Variants in MYO7B observed in about 807,000 individuals in gnomAD.
MYO7B encodes the protein unconventional myosin-VIIb.
In MYO7B, 212 loss-of-function variants were observed where a neutral mutation model predicts 259.7. That is an observed-to-expected ratio of 0.82 (90% CI 0.73 to 0.91). The LOEUF (loss-of-function observed/expected upper bound fraction) is 0.91, where lower values mean the gene tolerates loss of function less well. Among genes scored for constraint, MYO7B ranks in the 40% least tolerant of loss-of-function variants. MYO7B has a pLI of 0.00. For missense variants in MYO7B, 2,732 were observed against 2,813.5 expected, an observed-to-expected ratio of 0.97 and a Z score of 0.66; for synonymous variants, 1,197 against 1,166.4, an observed-to-expected ratio of 1.03 and a Z score of -0.54.
At position 127,628,438 on chromosome 2, in the gene MYO7B, C is replaced by T; in HGVS notation, c.4527C>T (p.Pro1509=). The T allele has an allele frequency of 6.3e-7, 1 of 1,592,744 alleles. No individual in the cohort carries two copies. The highest frequency in any genetic ancestry group is 8.5e-7 in the Non-Finnish European group (1 of 1,171,158). The part of the protein sequence containing the change: ...TMHEEYEFVS[P]SSVAIAELVA... ...ATGAGGAGTACGAGTTTGTGTCACCCAGCAGTGTGGCCATCGCTGAGCTGG... is the reference window on the plus strand; with the variant it reads ...ATGAGGAGTACGAGTTTGTGTCACCTAGCAGTGTGGCCATCGCTGAGCTGG... Residue 1509 remains proline, a synonymous_variant, in exon 34 of 48, where the codon CCC becomes CCT. Coordinates refer to ENST00000409816, the MANE Select transcript of MYO7B (RefSeq NM_001393586.1). This position sits in a 1 kb window ranked among gnomAD's most constrained non-coding sequence, Gnocchi z 4.8.
chr2:127,619,435 TGAAG>T (rs1198483015), intron 26 of MYO7B, among the ~76,000 whole-genome samples: 2 of 151,186 alleles, frequency 1.3e-5, no homozygotes, highest in Admixed American at 6.6e-5. Flanking sequence ...ATTGGAGGAA[TGAAG>T]GGATGGGAGG....
At chr2:127,580,076 G>A (rs746196203) in intron 9 of MYO7B, among the ~76,000 whole-genome samples, 10 of 152,206 alleles carry the variant, frequency 6.6e-5, no homozygotes, top group Non-Finnish European at 1.0e-4. Context: ...GCGTGGTTAC[G>A]TGGTGCTGAC....
At chr2:127,554,328 C>T (rs1693559099) in intron 1 of MYO7B, among the ~76,000 whole-genome samples, 1 of 152,222 alleles carries the variant, frequency 6.6e-6, no homozygotes, top group South Asian at 2.1e-4. Context: ...CCTGCCTCAG[C>T]CTCCCAAAGT....
In MYO7B at chr2:127,628,247, T is replaced by G. The variant is rs113711108; in HGVS notation, c.4461-125T>G. The stretch of plus-strand genomic sequence containing the variant: ...GTGGTGTCTGGCCTAGTCCTGGCCC[T>G]GGCAGAGCAGCTCTGTGTCCTCATC... On this transcript the variant is annotated intron_variant, in intron 33 of 47. Transcript: ENST00000409816. The surrounding 1 kb of genome is among the most constrained non-coding windows in gnomAD (Gnocchi z 4.8). 3 of 1,205,800 alleles carry G rather than the reference T, an allele frequency of 2.5e-6. No individual in the cohort carries two copies. The Admixed American group carries it at 5.9e-5, about 24-fold the overall frequency. The allele number at this position is 1,205,800 out of a possible 1,614,324, so 74.7% of individuals were successfully genotyped here. A position where few individuals can be genotyped will look rare whatever the true frequency, so the allele number is the denominator to read the frequency against.
chr2:127,592,981 T>C (rs760152147), intron 17 of MYO7B, 35 bp downstream of exon 17: 2 of 1,510,426 alleles, frequency 1.3e-6, no homozygotes, highest in Non-Finnish European at 1.8e-6. Context: ...CCTCTGGCCA[T>C]CCGCGGCCTT....
intron 17 of MYO7B, 77 bp from the exon 18 acceptor site, chr2:127,593,465 AGGAG>A: frequency 7.4e-7 from 1 of 1,345,858 alleles, no homozygotes; most frequent in South Asian, 1.3e-5. Context: ...CTGTGGGAGA[AGGAG>A]GGAGACACCA....
chr2:127,586,492 G>A lies in MYO7B; in HGVS notation c.1690+1579G>A, dbSNP rs1679310577. On this transcript the variant is annotated intron_variant, in intron 14 of 47. Coordinates refer to ENST00000409816, the MANE Select transcript of MYO7B (RefSeq NM_001393586.1). This position sits in a 1 kb window ranked among gnomAD's most constrained non-coding sequence, Gnocchi z 4.8. ...AGTCAGAACAGGCTAGGCTTTGGGA[G>A]GCCAAGGGAGAAAGGGAAAGGTGCC... is the stretch of plus-strand genomic sequence containing the variant. 6.6e-6 allele frequency among the ~76,000 whole-genome samples: 1 copy of A among 152,166 alleles called. No individual in the cohort carries two copies. The highest frequency in any genetic ancestry group is 2.4e-5 in the African/African-American group (1 of 41,430).
intron 43 of MYO7B, 47 bp from the exon 44 acceptor site, chr2:127,635,675 T>G (rs761401252): frequency 6.5e-7 from 1 of 1,541,014 alleles, no homozygotes; most frequent in East Asian, 2.4e-5. Context: ...TGGGGGCGGG[T>G]GGGCCGCAGC....
In MYO7B at chr2:127,590,733, G is replaced by A. The variant is rs1473667877; in HGVS notation, c.1992+504G>A. On this transcript the variant is annotated intron_variant, in intron 16 of 47. Coordinates refer to ENST00000409816, the MANE Select transcript of MYO7B (RefSeq NM_001393586.1). This position sits in a 1 kb window ranked among gnomAD's most constrained non-coding sequence, Gnocchi z 4.6. ...AGAGCCCACACTCCCTGCCCACAAC[G>A]GAGTCCCTGCTCCATTGGGTGGGGA... Among the ~76,000 whole-genome samples the A allele has an allele frequency of 3.3e-5, 5 of 152,186 alleles. No individual in the cohort carries two copies. Among genetic ancestry groups the A allele is most frequent in the East Asian group, 1.9e-4 (1 of 5,202 alleles).
At position 127,607,350 on chromosome 2, in the gene MYO7B, A is replaced by G. The variant is rs749192482; in HGVS notation, c.2569A>G (p.Arg857Gly). 2.1e-5 allele frequency: 32 copies of G among 1,551,360 alleles called. No homozygotes were observed. The East Asian group carries it at 7.1e-4, about 34-fold the overall frequency. ...GCGCCAGCAAGTCCAGGCCAAGAGGAGGGCAGTGGTGGTCATTCAGGCCCA... is the reference window on the plus strand; with the variant it reads ...GCGCCAGCAAGTCCAGGCCAAGAGGGGGGCAGTGGTGGTCATTCAGGCCCA... ...LVRQQVQAKR[R>G]AVVVIQAHAR... is the part of the protein sequence containing the mutation. Residue 857 changes from arginine to glycine, a missense_variant, in exon 21 of 48, where the codon AGG becomes GGG. Arg to Gly is a moderately radical substitution (Grantham distance 125, BLOSUM62 -2). Around this residue, in one of 3 missense-constraint regions of MYO7B, gnomAD observed 1,906 missense variants for 2,026.4 expected, o/e 0.94. Transcript: ENST00000409816. This position sits in a 1 kb window ranked among gnomAD's most constrained non-coding sequence, Gnocchi z 4.4.
Position 127,623,185 on chromosome 2 carries a change from A to G in MYO7B, c.3646-17A>G. On this transcript the variant is annotated splice_polypyrimidine_tract_variant and intron_variant, in intron 28 of 47. Transcript: ENST00000409816. ...AGGTTCCAAGAGGCCAGGGAACTGA[A>G]TCTCATCTGTCCCCAGGCTGTCAAG... 6.2e-7 allele frequency: 1 copy of G among 1,612,898 alleles called. No homozygotes were observed. The highest frequency in any genetic ancestry group is 8.5e-7 in the Non-Finnish European group (1 of 1,179,572).
chr2:127,606,175 A>G (rs1009320141), intron 20 of MYO7B, among the ~76,000 whole-genome samples: 91 of 152,262 alleles, frequency 6.0e-4, no homozygotes, highest in African/African-American at 2.1e-3. Flanking sequence ...GAGCATCCTC[A>G]GAGCTAGACT....
intron 1 of MYO7B, among the ~76,000 whole-genome samples, chr2:127,543,604 C>G (rs1262024915): frequency 6.6e-6 from 1 of 151,962 alleles, no homozygotes; most frequent in East Asian, 1.9e-4. Flanking sequence ...AAGTCTCTTC[C>G]CTCCTTCCAC....
At chr2:127,548,943 A>G (rs1573608637) in intron 1 of MYO7B, among the ~76,000 whole-genome samples, 1 of 152,210 alleles carries the variant, frequency 6.6e-6, no homozygotes, top group South Asian at 2.1e-4. Flanking sequence ...CATTGTGGTC[A>G]GAGAACATAC....
rs769503449 is a variant in MYO7B at position 127,582,291 on chromosome 2, C to T, written c.1201-13C>T. On this transcript the variant is annotated splice_polypyrimidine_tract_variant and intron_variant, in intron 11 of 47. Transcript: ENST00000409816. ...TCCAAGCCCAGGATTCTCCCACCCC[C>T]GTGTCTCTCCAGGGCATCTATGGGC... The T allele has an allele frequency of 2.2e-5, 35 of 1,612,040 alleles. No homozygotes were observed. The highest frequency in any genetic ancestry group is 1.7e-4 in the Middle Eastern group (1 of 6,020).
Position 127,634,710 on chromosome 2 carries a change from G to A in MYO7B, c.5713+27G>A, listed in dbSNP as rs371897294. 1.6e-5 allele frequency: 26 copies of A among 1,590,984 alleles called. No homozygotes were observed. The East Asian group carries it at 2.9e-4, about 18-fold the overall frequency. Reference sequence around the variant, plus strand: ...TGAGGAGGCCTCTGTGGAGCTGGGGGAGGGCGTGGCTGGGTGGGTCGAGGG... The same window carrying A: ...TGAGGAGGCCTCTGTGGAGCTGGGGAAGGGCGTGGCTGGGTGGGTCGAGGG... On this transcript the variant is annotated intron_variant, in intron 42 of 47. Transcript: ENST00000409816.
intron 30 of MYO7B, among the ~76,000 whole-genome samples, chr2:127,624,561 G>A (rs1681011123): frequency 6.6e-6 from 1 of 152,228 alleles, no homozygotes; most frequent in African/African-American, 2.4e-5. Flanking sequence ...GGCCTTGCCT[G>A]GCCTCACCTC....
In MYO7B at chr2:127,636,467, T is replaced by C; in HGVS notation, c.6124-78T>C. ...GCGTGGGTGTATGTGTGTATGTGCGTGTGGCCTAGATGAGCTCCTGGGAGG... is the reference window on the plus strand; with the variant it reads ...GCGTGGGTGTATGTGTGTATGTGCGCGTGGCCTAGATGAGCTCCTGGGAGG... On this transcript the variant is annotated intron_variant, in intron 45 of 47. Coordinates refer to ENST00000409816, the MANE Select transcript of MYO7B (RefSeq NM_001393586.1). The surrounding 1 kb of genome is among the most constrained non-coding windows in gnomAD (Gnocchi z 4.5). 6.8e-7 allele frequency: 1 copy of C among 1,468,358 alleles called. No homozygotes were observed. Among genetic ancestry groups the C allele is most frequent in the East Asian group, 2.4e-5 (1 of 41,528 alleles). 91.0% of individuals were successfully genotyped at this position (1,468,358 alleles called of 1,614,324 possible). A position where few individuals can be genotyped will look rare whatever the true frequency, so the allele number is the denominator to read the frequency against.
intron 1 of MYO7B, among the ~76,000 whole-genome samples, chr2:127,541,245 G>C (rs1208548896): frequency 2.0e-5 from 3 of 151,690 alleles, no homozygotes; most frequent in Non-Finnish European, 1.5e-5. Flanking sequence ...ACAGTGATGG[G>C]GGCTTCTCCA....
Sources: allele counts gnomAD v4.1 joint callset (sites outside exome capture counted in the v4.1 genomes callset), GRCh38; gene constraint gnomAD v4.1.1; regional missense constraint gnomAD v4.1.1; non-coding constraint Gnocchi (gnomAD v3.1); transcripts MANE v1.5; gene names NCBI Gene and HGNC (gene_info 2026-07-23, HGNC 2026-07-21).